The following GDF7 variants were observed in gnomAD, a reference collection of about 807,000 sequenced individuals.
GDF7 encodes growth differentiation factor 7.
Under a neutral mutation model 13.4 loss-of-function variants are expected in GDF7, and 12 were observed. The observed-to-expected ratio is 0.90, with a 90% confidence interval of 0.57 to 1.45. The LOEUF is 1.45. Among genes scored for constraint, GDF7 ranks in the 40% most tolerant of loss-of-function variants. GDF7 has a pLI of 0.00. For synonymous variants in GDF7, 330 were observed against 306.4 expected, an observed-to-expected ratio of 1.08 and a Z score of -0.80; for missense variants, 651 against 652.4, an observed-to-expected ratio of 1.00 and a Z score of 0.02.
At chr2:20,669,407 C>T (rs527390468) in intron 1 of GDF7, among the ~76,000 whole-genome samples, 1 of 147,314 alleles carries the variant, frequency 6.8e-6, no homozygotes, top group Non-Finnish European at 1.5e-5. Flanking sequence ...TTATCTGCTG[C>T]GTGGTGGAAT....
Position 20,671,714 on chromosome 2 carries a change from A to C in GDF7, c.*289A>C, listed in dbSNP as rs1662131252. 2.4e-6 allele frequency: 1 copy of C among 414,064 alleles called. No homozygotes were observed. The highest frequency in any genetic ancestry group is 4.0e-5 in the Admixed American group (1 of 24,704). The allele number at this position is 414,064 out of a possible 1,614,324, so 25.6% of individuals were successfully genotyped here. ...GCGCCCACTGCCCCCATTTAGGGAGAGGAAGGTGTTTGTGCTGATGTTGCA... is the reference window on the plus strand; with the variant it reads ...GCGCCCACTGCCCCCATTTAGGGAGCGGAAGGTGTTTGTGCTGATGTTGCA... On this transcript the variant is annotated 3_prime_UTR_variant, in exon 2 of 2. Coordinates refer to ENST00000272224, the MANE Select transcript of GDF7 (RefSeq NM_182828.4).
In GDF7 at chr2:20,670,967, C is replaced by T. The variant is rs1662110739; in HGVS notation, c.895C>T (p.Pro299Ser). The T allele has an allele frequency of 3.2e-6, 5 of 1,559,308 alleles. No individual in the cohort carries two copies. In the African/African-American group the frequency reaches 4.2e-5, roughly 13 times the overall value. ...RALGAALASE[P>S]LPDPGTGTAS... ...GCTCGGGGCCGCTCTGGCCTCAGAG[C>T]CGCTGCCCGACCCAGGAACCGGCAC... Residue 299 changes from proline to serine, a missense_variant, in exon 2 of 2, where the codon CCG (proline) becomes TCG (serine). This residue lies in a region of GDF7 where 487 missense variants were observed against 445.9 expected (regional missense o/e 1.09). Transcript: ENST00000272224.
rs1662133484 is a variant in GDF7, at chr2:20,671,922, C to G, written c.*497C>G. The G allele has an allele frequency of 6.3e-6, 1 of 157,770 alleles. No homozygotes were observed. Among genetic ancestry groups the G allele is most frequent in the Non-Finnish European group, 1.4e-5 (1 of 71,792 alleles). The allele number at this position is 157,770 out of a possible 1,614,324, so 9.8% of individuals were successfully genotyped here. ...GTGCACTCCGTGACCCACTGCAAGG[C>G]TGTAATGCCCTTCCCGAGGGTTTGT... On this transcript the variant is annotated 3_prime_UTR_variant, in exon 2 of 2. Coordinates refer to ENST00000272224, the MANE Select transcript of GDF7 (RefSeq NM_182828.4).
rs1662178191 is a variant in GDF7, at chr2:20,674,039, GGGCAGAC to G, written c.*2618_*2624del. ...TGACAACAAAGGGCCAACACATGTG[GGGCAGAC>G]GGCTTTTTGCTGCTAAGATGTGGTT... On this transcript the variant is annotated 3_prime_UTR_variant, in exon 2 of 2. Coordinates refer to ENST00000272224, the MANE Select transcript of GDF7 (RefSeq NM_182828.4). 1 of 152,216 alleles carries G rather than the reference GGGCAGAC, an allele frequency of 6.6e-6. No individual in the cohort carries two copies. Among genetic ancestry groups the G allele is most frequent in the Non-Finnish European group, 1.5e-5 (1 of 68,026 alleles). The allele number at this position is 152,216 out of a possible 1,614,324, so 9.4% of individuals were successfully genotyped here.
chr2:20,671,136 A>T lies in GDF7; in HGVS notation c.1064A>T (p.His355Leu). 6.2e-7 allele frequency: 1 copy of T among 1,611,864 alleles called. No individual in the cohort carries two copies. The highest frequency in any genetic ancestry group is 8.5e-7 in the Non-Finnish European group (1 of 1,179,346). The change falls in exon 2 of 2, where the codon CAC (histidine) becomes CTC (leucine). Residue 355 changes from histidine (H) to leucine (L), a missense_variant. By Grantham distance (99) the His-to-Leu change is moderately conservative (BLOSUM62 -3). Transcript: ENST00000272224. ...GRSRCSRKPLHVDFKELGWDD... is the reference protein window; with the variant it reads ...GRSRCSRKPLLVDFKELGWDD... ...AGCCGCTGCAGCCGCAAGCCGTTGCACGTGGACTTCAAGGAGCTCGGCTGG... is the reference window on the plus strand; with the variant it reads ...AGCCGCTGCAGCCGCAAGCCGTTGCTCGTGGACTTCAAGGAGCTCGGCTGG...
Position 20,670,590 on chromosome 2 carries a change from G to T in GDF7, c.518G>T (p.Ser173Ile). 1.2e-6 allele frequency: 2 copies of T among 1,600,114 alleles called. No individual in the cohort carries two copies. The highest frequency in any genetic ancestry group is 1.7e-6 in the Non-Finnish European group (2 of 1,175,144). Residue 173 changes from serine to isoleucine, a missense_variant, in exon 2 of 2, where the codon AGC becomes ATC. Ser to Ile is a moderately radical substitution (Grantham distance 142). This residue lies in a region of GDF7 where 487 missense variants were observed against 445.9 expected (regional missense o/e 1.09). Transcript: ENST00000272224. ...GGATCTCCAGAGTCGGGCCCAGGCA[G>T]CTGGACTTCTCCGCCGTTGCTGCTG... ...RRGSPESGPG[S>I]WTSPPLLLLS...
Position 20,674,964 on chromosome 2 carries a change from A to G in GDF7, c.*3539A>G, listed in dbSNP as rs532542957. On this transcript the variant is annotated 3_prime_UTR_variant, in exon 2 of 2. Transcript: ENST00000272224. ...ATTTCATTTAAACTCACAGCAGAAA[A>G]CAACCAGGATTTGTAGACTGATTTT... The G allele has an allele frequency of 2.0e-5, 3 of 152,406 alleles. No individual in the cohort carries two copies. The highest frequency in any genetic ancestry group is 6.5e-5 in the Admixed American group (1 of 15,312). The allele number at this position is 152,406 out of a possible 1,614,324, so 9.4% of individuals were successfully genotyped here.
In GDF7 at chr2:20,670,755, G is replaced by A; in HGVS notation, c.683G>A (p.Arg228His). The A allele has an allele frequency of 6.7e-7, 1 of 1,483,606 alleles. No homozygotes were observed. The highest frequency in any genetic ancestry group is 8.9e-7 in the Non-Finnish European group (1 of 1,122,902). 91.9% of individuals were successfully genotyped at this position (1,483,606 alleles called of 1,614,324 possible). A position where few individuals can be genotyped will look rare whatever the true frequency, so the allele number is the denominator to read the frequency against. Residue 228 changes from arginine (R) to histidine (H), a missense_variant, in exon 2 of 2, where the codon CGC becomes CAC. Physicochemically the swap from Arg to His is conservative, Grantham distance 29. This residue lies in a region of GDF7 where 487 missense variants were observed against 445.9 expected (regional missense o/e 1.09). Coordinates refer to ENST00000272224, the MANE Select transcript of GDF7 (RefSeq NM_182828.4). ...CACCGTCGTGAACCGCGCCCCCCCC[G>A]CGCGTTCTGCCTCTTGCTGCGCGCA... ...RRHRREPRPP[R>H]AFCLLLRAVA...
At position 20,671,698 on chromosome 2, in the gene GDF7, GC is replaced by G. The variant is rs1410187687; in HGVS notation, c.*278del. 8.8e-6 allele frequency: 4 copies of G among 455,206 alleles called. No individual in the cohort carries two copies. In the East Asian group the frequency reaches 1.3e-4, roughly 14 times the overall value. 28.2% of individuals were successfully genotyped at this position (455,206 alleles called of 1,614,324 possible). ...CAAACAGATAACCATGGCGCCCACT[GC>G]CCCCATTTAGGGAGAGGAAGGTGTT... On this transcript the variant is annotated 3_prime_UTR_variant, in exon 2 of 2. Transcript: ENST00000272224.
In GDF7 at chr2:20,671,298, C is replaced by T. The variant is rs373731959; in HGVS notation, c.1226C>T (p.Ala409Val). Residue 409 changes from alanine (A) to valine (V), a missense_variant, in exon 2 of 2, where the codon GCG becomes GTG. Transcript: ENST00000272224. ...CTGCTCAACTCCATGGCACCAGACGCGGCGCCGGCCTCCTGCTGTGTGCCA... is the reference window on the plus strand; with the variant it reads ...CTGCTCAACTCCATGGCACCAGACGTGGCGCCGGCCTCCTGCTGTGTGCCA... ...QTLLNSMAPD[A>V]APASCCVPAR... 4 of 1,613,650 alleles carry T rather than the reference C, an allele frequency of 2.5e-6. No individual in the cohort carries two copies. The highest frequency in any genetic ancestry group is 2.7e-5 in the African/African-American group (2 of 74,946).
Position 20,670,460 on chromosome 2 carries a change from G to C in GDF7, c.392-4G>C. On this transcript the variant is annotated splice_region_variant and splice_polypyrimidine_tract_variant and intron_variant, in intron 1 of 1. Transcript: ENST00000272224. ...TTCTCTCTGTCCCTGCCGGTCCCCC[G>C]CAGACGAATCGGCAGCCGAAACAGG... 6.5e-7 allele frequency: 1 copy of C among 1,529,974 alleles called. No individual in the cohort carries two copies. The highest frequency in any genetic ancestry group is 8.8e-7 in the Non-Finnish European group (1 of 1,137,272). 94.8% of individuals were successfully genotyped at this position (1,529,974 alleles called of 1,614,324 possible). A position where few individuals can be genotyped will look rare whatever the true frequency, so the allele number is the denominator to read the frequency against.
chr2:20,669,408 G>A (rs1194095662), intron 1 of GDF7, among the ~76,000 whole-genome samples: 1 of 143,282 alleles, frequency 7.0e-6, no homozygotes. Flanking sequence ...TATCTGCTGC[G>A]TGGTGGAATT....
chr2:20,671,625 G>A lies in GDF7; in HGVS notation c.*200G>A, dbSNP rs984706174. On this transcript the variant is annotated 3_prime_UTR_variant, in exon 2 of 2. Transcript: ENST00000272224. ...CCGGGGACAGCATGTGAAAGCCTTG[G>A]GAAGAGATGACCTGCCGGTACCGAA... 6.5e-6 allele frequency: 4 copies of A among 612,486 alleles called. No homozygotes were observed. Among genetic ancestry groups the A allele is most frequent in the Non-Finnish European group, 1.1e-5 (4 of 352,936 alleles). The allele number at this position is 612,486 out of a possible 1,614,324, so 37.9% of individuals were successfully genotyped here.
chr2:20,667,362 GGGCGGCGGCGGCGGCGGC>G lies in GDF7; in HGVS notation c.132_149del (p.Gly45_Gly50del), dbSNP rs563301908. 41 of 809,276 alleles carry G rather than the reference GGGCGGCGGCGGCGGCGGC, an allele frequency of 5.1e-5. No individual in the cohort carries two copies. The highest frequency in any genetic ancestry group is 5.8e-5 in the Non-Finnish European group (39 of 671,858). 50.1% of individuals were successfully genotyped at this position (809,276 alleles called of 1,614,324 possible). On this transcript the variant is annotated inframe_deletion, in exon 1 of 2. Transcript: ENST00000272224. This position sits in a 1 kb window ranked among gnomAD's most constrained non-coding sequence, Gnocchi z 6.4. ...GGGCTGGGCCGGTCCGGAGCCCAGG[GGGCGGCGGCGGCGGCGGC>G]GGCGGCGGGCGGACTCTTGCCCAGG... is the stretch of plus-strand genomic sequence containing the variant.
chr2:20,669,858 G>A lies in GDF7; in HGVS notation c.392-606G>A, dbSNP rs549820821. On this transcript the variant is annotated intron_variant, in intron 1 of 1. Transcript: ENST00000272224. ...GACGAATTCTCCCGGACGAATCGCC[G>A]AGCCCCAGCCTGCATGGGAGACCGT... Among the ~76,000 whole-genome samples, 137 of 152,336 alleles carry A rather than the reference G, an allele frequency of 9.0e-4. 1 individual carries two copies. The highest frequency in any genetic ancestry group is 2.9e-5 in the Non-Finnish European group (2 of 68,026).
In GDF7 at chr2:20,667,417, G is replaced by A. The variant is rs1439583499; in HGVS notation, c.178G>A (p.Ala60Thr). 2.1e-6 allele frequency: 2 copies of A among 958,684 alleles called. No homozygotes were observed. The highest frequency in any genetic ancestry group is 1.2e-6 in the Non-Finnish European group (1 of 805,228). The allele number at this position is 958,684 out of a possible 1,614,324, so 59.4% of individuals were successfully genotyped here. The part of the protein sequence containing the change: ...GRTLAQAAGA[A>T]AVPAAAVPRA... ...GACTCTTGCCCAGGCTGCGGGCGCC[G>A]CGGCTGTCCCGGCCGCCGCGGTTCC... is the stretch of plus-strand genomic sequence containing the variant. Residue 60 changes from alanine to threonine, a missense_variant, in exon 1 of 2, where the codon GCG (alanine) becomes ACG (threonine). Around this residue, in one of 4 missense-constraint regions of GDF7, gnomAD observed 487 missense variants for 445.9 expected, o/e 1.09. Transcript: ENST00000272224. The surrounding 1 kb of genome is among the most constrained non-coding windows in gnomAD (Gnocchi z 6.4).
Position 20,670,933 on chromosome 2 carries a change from G to T in GDF7, c.861G>T (p.Gln287His). 6.4e-7 allele frequency: 1 copy of T among 1,571,804 alleles called. No individual in the cohort carries two copies. Among genetic ancestry groups the T allele is most frequent in the Non-Finnish European group, 8.6e-7 (1 of 1,167,702 alleles). ...GCTTATTCCGGGAGATCCGCGCCCA[G>T]GCCCGCGCGCTCGGGGCCGCTCTGG... is the stretch of plus-strand genomic sequence containing the variant. ...KESLFREIRA[Q>H]ARALGAALAS... is the part of the protein sequence containing the mutation. The change falls in exon 2 of 2, where the codon CAG (glutamine) becomes CAT (histidine). Residue 287 changes from glutamine to histidine, a missense_variant. By Grantham distance (24) the Gln-to-His change is conservative. This residue lies in a region of GDF7 where 487 missense variants were observed against 445.9 expected (regional missense o/e 1.09). Transcript: ENST00000272224.
Position 20,671,000 on chromosome 2 carries a change from C to T in GDF7, c.928C>T (p.Pro310Ser). 6.4e-7 allele frequency: 1 copy of T among 1,550,424 alleles called. No individual in the cohort carries two copies. The highest frequency in any genetic ancestry group is 8.7e-7 in the Non-Finnish European group (1 of 1,152,280). ...CGACCCAGGAACCGGCACCGCGTCGCCAAGGGCAGTCATTGGCGGCCGCAG... is the reference window on the plus strand; with the variant it reads ...CGACCCAGGAACCGGCACCGCGTCGTCAAGGGCAGTCATTGGCGGCCGCAG... ...LPDPGTGTAS[P>S]RAVIGGRRRR... is the part of the protein sequence containing the mutation. Residue 310 changes from proline to serine, a missense_variant, in exon 2 of 2, where the codon CCA (proline) becomes TCA (serine). Transcript: ENST00000272224.
In GDF7 at chr2:20,673,444, C is replaced by T. The variant is rs951979711; in HGVS notation, c.*2019C>T. 3.9e-5 allele frequency: 6 copies of T among 151,918 alleles called. No homozygotes were observed. Among genetic ancestry groups the T allele is most frequent in the South Asian group, 2.1e-4 (1 of 4,822 alleles). The allele number at this position is 151,918 out of a possible 1,614,324, so 9.4% of individuals were successfully genotyped here. A position where few individuals can be genotyped will look rare whatever the true frequency, so the allele number is the denominator to read the frequency against. ...GATTTTGCCAGAGATGCCTCACTCT[C>T]GTTTTTAAAATGAAGCTTGTCATAA... On this transcript the variant is annotated 3_prime_UTR_variant, in exon 2 of 2. Transcript: ENST00000272224.
Sources: gnomAD v4.1 joint callset for allele counts (sites outside exome capture counted in the v4.1 genomes callset) on GRCh38, gnomAD v4.1.1 for gene constraint, gnomAD v4.1.1 regional missense constraint, Gnocchi (gnomAD v3.1) non-coding constraint, MANE v1.5 for transcripts, NCBI Gene and HGNC (gene_info 2026-07-23, HGNC 2026-07-21) for gene names.